The following ANK3 variants were observed in gnomAD, a reference collection of about 807,000 sequenced individuals.
ANK3 encodes the protein ankyrin 3.
Under a neutral mutation model 370.9 loss-of-function variants are expected in ANK3, and 57 were observed. That is an observed-to-expected ratio of 0.15 (90% confidence interval 0.12 to 0.19). The LOEUF (loss-of-function observed/expected upper bound fraction) is 0.19. ANK3 is among the 10% of genes least tolerant of loss of function. The probability of loss-of-function intolerance (pLI) is 1.00; values close to 1 mark genes in which losing one functional copy is unlikely to be tolerated. For missense variants in ANK3, 4,439 were observed against 5,302.1 expected (o/e 0.84, Z 5.06); for synonymous variants, 1,929 against 1,946.3 (o/e 0.99, Z 0.23).
intron 1 of ANK3, among the ~76,000 whole-genome samples, chr10:60,678,089 G>A (rs2079150012): frequency 6.6e-6 from 1 of 152,178 alleles, no homozygotes; most frequent in Admixed American, 6.6e-5. Context: ...TGAGAACAAG[G>A]CACGGTAACT....
rs1319162335 is a variant in ANK3, at chr10:60,027,191, C to T, written c.*2655G>A. On this transcript the variant is annotated 3_prime_UTR_variant, in exon 44 of 44. Transcript: ENST00000280772. ...GTTTCTGGTTCAGGATAAACACCTT[C>T]TCTCAAAGACTGAGTCAGAAATTCG... is the stretch of plus-strand genomic sequence containing the variant. The T allele has an allele frequency of 6.6e-6, 1 of 151,690 alleles. No individual in the cohort carries two copies. Among genetic ancestry groups the T allele is most frequent in the East Asian group, 1.9e-4 (1 of 5,166 alleles). 9.4% of individuals were successfully genotyped at this position (151,690 alleles called of 1,614,324 possible).
chr10:60,200,378 G>A, intron 12 of ANK3, 151 bp from the exon 13 acceptor site: 1 of 688,526 alleles, frequency 1.5e-6, no homozygotes, highest in South Asian at 1.6e-5. Flanking sequence ...AAATGCATGA[G>A]AATTTCACAG....
chr10:60,615,349 G>T, intron 1 of ANK3: 1 of 492,612 alleles, frequency 2.0e-6, no homozygotes, highest in Non-Finnish European at 3.3e-6. Flanking sequence ...TAAAAGGGGA[G>T]AACACAAAGT....
chr10:60,255,124 A>T (rs1435545758), intron 7 of ANK3, among the ~76,000 whole-genome samples: 1 of 152,218 alleles, frequency 6.6e-6, no homozygotes, highest in East Asian at 1.9e-4. Context: ...CTAATAAAGA[A>T]GCTGGATAAT....
intron 42 of ANK3, among the ~76,000 whole-genome samples, chr10:60,049,900 A>G (rs1230388090): frequency 6.6e-6 from 1 of 152,088 alleles, no homozygotes; most frequent in Non-Finnish European, 1.5e-5. Context: ...GCATGGCTAT[A>G]TTTGTTTTCT....
intron 1 of ANK3, among the ~76,000 whole-genome samples, chr10:60,365,445 G>T (rs1345733165): frequency 4.6e-5 from 7 of 152,096 alleles, no homozygotes; most frequent in Non-Finnish European, 8.8e-5. Flanking sequence ...CAATCAATCT[G>T]CTCTTAAAAG....
intron 1 of ANK3, among the ~76,000 whole-genome samples, chr10:60,730,470 C>T (rs1472432078): frequency 1.3e-5 from 2 of 152,140 alleles, no homozygotes; most frequent in Non-Finnish European, 2.9e-5. Context: ...ATAGAACTTT[C>T]AAATTATAAC....
At chr10:60,066,078 A>G (rs868247115) in intron 38 of ANK3, among the ~76,000 whole-genome samples, 1 of 152,202 alleles carries the variant, frequency 6.6e-6, no homozygotes, top group Non-Finnish European at 1.5e-5. Flanking sequence ...TAATATTCTT[A>G]ATAATTATCA....
At chr10:60,385,571 A>G (rs758005787) in intron 1 of ANK3, among the ~76,000 whole-genome samples, 4 of 152,188 alleles carry the variant, frequency 2.6e-5, no homozygotes, top group Non-Finnish European at 5.9e-5. Flanking sequence ...GAATGAATAC[A>G]TGAATACAAG....
chr10:60,077,987 C>T (rs2084226117), intron 36 of ANK3, among the ~76,000 whole-genome samples: 1 of 152,188 alleles, frequency 6.6e-6, no homozygotes, highest in Non-Finnish European at 1.5e-5. Flanking sequence ...CATACTTGGT[C>T]CTCTCTGCTT....
At chr10:60,731,879 A>G (rs896954743) in intron 1 of ANK3, among the ~76,000 whole-genome samples, 1 of 152,180 alleles carries the variant, frequency 6.6e-6, no homozygotes, top group African/African-American at 2.4e-5. Context: ...CCAAAATTAG[A>G]CAACCCACAC....
At chr10:60,478,665 C>A (rs1448125395) in intron 2 of ANK3, among the ~76,000 whole-genome samples, 1 of 152,052 alleles carries the variant, frequency 6.6e-6, no homozygotes, top group Non-Finnish European at 1.5e-5. Flanking sequence ...GAGCTAATCA[C>A]TTTCATTGAC....
chr10:60,727,834 G>T, intron 1 of ANK3, among the ~76,000 whole-genome samples: 1 of 152,004 alleles, frequency 6.6e-6, no homozygotes, highest in East Asian at 1.9e-4. Flanking sequence ...CTACTTAAAA[G>T]TTCATTGAAA....
At chr10:60,088,105 T>A (rs751575605) in intron 29 of ANK3, 42 bp downstream of exon 29, 1 of 1,521,366 alleles carries the variant, frequency 6.6e-7, no homozygotes, top group East Asian at 2.3e-5. Context: ...ACTCACATGC[T>A]CTCTGCGCAT....
At chr10:60,714,124 T>C (rs922999388) in intron 1 of ANK3, among the ~76,000 whole-genome samples, 5 of 152,208 alleles carry the variant, frequency 3.3e-5, no homozygotes, top group Non-Finnish European at 7.3e-5. Context: ...TGTATGCCTA[T>C]AAATTTTATA....
At chr10:60,520,053 T>C (rs1303128972) in intron 2 of ANK3, among the ~76,000 whole-genome samples, 1 of 152,150 alleles carries the variant, frequency 6.6e-6, no homozygotes, top group Non-Finnish European at 1.5e-5. Context: ...TCTGTTGATG[T>C]AAAATTCCAT....
At chr10:60,042,356 T>C (rs192284463) in intron 43 of ANK3, among the ~76,000 whole-genome samples, 149 of 152,330 alleles carry the variant, frequency 9.8e-4, no homozygotes, top group Middle Eastern at 3.4e-3. Context: ...TCCTGTTAGA[T>C]TGTATAAGGC....
At chr10:60,676,569 C>T (rs1275772004) in intron 1 of ANK3, among the ~76,000 whole-genome samples, 1 of 152,176 alleles carries the variant, frequency 6.6e-6, no homozygotes, top group Non-Finnish European at 1.5e-5. Flanking sequence ...AACACAAATA[C>T]ATTTCAATCT....
At chr10:60,719,046 C>A (rs911842806) in intron 1 of ANK3, among the ~76,000 whole-genome samples, 7 of 152,124 alleles carry the variant, frequency 4.6e-5, no homozygotes, top group Non-Finnish European at 8.8e-5. Flanking sequence ...ACAACCAAAT[C>A]CTTGAACGGC....
Sources: allele counts gnomAD v4.1 joint callset (sites outside exome capture counted in the v4.1 genomes callset), GRCh38; gene constraint gnomAD v4.1.1; transcripts MANE v1.5; gene names NCBI Gene and HGNC (gene_info 2026-07-23, HGNC 2026-07-21).